The following SYT3 variants were observed in gnomAD, a reference collection of about 807,000 sequenced individuals.
SYT3 encodes the protein synaptotagmin-3.
SYT3 carries 25 observed loss-of-function variants against 50.6 expected under a neutral mutation model. The observed-to-expected ratio is 0.49, with a 90% CI of 0.36 to 0.69. The LOEUF (loss-of-function observed/expected upper bound fraction) is 0.69, where lower values mean the gene tolerates loss of function less well. SYT3 is among the 30% of genes least tolerant of loss of function. The pLI is 0.00. For synonymous variants in SYT3, 323 were observed against 353.9 expected (o/e 0.91, Z 0.98); for missense variants, 589 against 793.6 (o/e 0.74, Z 3.10).
chr19:50,646,147 T>C, the SYT3 span, among the ~76,000 whole-genome samples: 2 of 152,142 alleles, frequency 1.3e-5, no homozygotes. Context: ...TACCTCCTTT[T>C]GGGTGCCTCC....
intron 3 of SYT3, among the ~76,000 whole-genome samples, chr19:50,633,939 A>G (rs554093234): frequency 3.3e-5 from 5 of 152,322 alleles, no homozygotes; most frequent in African/African-American, 1.2e-4. Context: ...CTATGATGCT[A>G]TCACACCTCA....
In SYT3 at chr19:50,639,295, C is replaced by T. The variant is rs796749784; in HGVS notation, c.-153-133G>A. On this transcript the variant is annotated intron_variant, in intron 1 of 10. Transcript: ENST00000600079. This position sits in a 1 kb window ranked among gnomAD's most constrained non-coding sequence, Gnocchi z 4.6. ...CCGGGCCCCCAGCTCCCGTTGAGGG[C>T]TTAGAGACTACAATTCCCGGCAGGT... 3.5e-4 allele frequency: 53 copies of T among 152,326 alleles called. No individual in the cohort carries two copies. The highest frequency in any genetic ancestry group is 1.2e-3 in the African/African-American group (50 of 41,580). The allele number at this position is 152,326 out of a possible 1,614,324, so 9.4% of individuals were successfully genotyped here.
Position 50,637,697 on chromosome 19 carries a change from G to T in SYT3, c.-15-271C>A, listed in dbSNP as rs1984542409. On this transcript the variant is annotated intron_variant, in intron 2 of 10. Coordinates refer to ENST00000600079, the MANE Select transcript of SYT3 (RefSeq NM_001160329.2). The surrounding 1 kb of genome is among the most constrained non-coding windows in gnomAD (Gnocchi z 4.9). ...GGAGATAGTAGCAGGGACTGGGTAA[G>T]TCAAGGGGACAGAGATGGGCATGAG... is the stretch of plus-strand genomic sequence containing the variant. The T allele has an allele frequency of 2.8e-6, 1 of 354,746 alleles. No homozygotes were observed. The allele number at this position is 354,746 out of a possible 1,614,324, so 22.0% of individuals were successfully genotyped here.
At chr19:50,655,360 T>C in the SYT3 span, among the ~76,000 whole-genome samples, 2 of 152,074 alleles carry the variant, frequency 1.3e-5, no homozygotes, top group Non-Finnish European at 2.9e-5. Flanking sequence ...TTGGAAAAAC[T>C]GAAAACTGGG....
At chr19:50,643,111 C>T (rs1026063332), upstream of SYT3, among the ~76,000 whole-genome samples, 1 of 152,106 alleles carries the variant, frequency 6.6e-6, no homozygotes, top group Non-Finnish European at 1.5e-5. Context: ...TGGCTCACAC[C>T]TGTAATCCCA....
In SYT3 at chr19:50,629,300, G is replaced by A. The variant is rs758410981; in HGVS notation, c.1275C>T (p.Gly425=). 6.2e-6 allele frequency: 10 copies of A among 1,600,328 alleles called. No individual in the cohort carries two copies. The South Asian group carries it at 6.7e-5, about 11-fold the overall frequency. ...AGGGGAGAGGGCCACTGACCGAGCC[G>A]CCCTCCACGATGTCCCTCCAGAGCG... ...DRPLWRDIVE[G]GSEKADLGEL... Residue 425 remains glycine, a synonymous_variant, in exon 6 of 11, where the codon GGC becomes GGT. Transcript: ENST00000600079.
chr19:50,643,374 A>G (rs941869722), upstream of SYT3, among the ~76,000 whole-genome samples: 4 of 151,278 alleles, frequency 2.6e-5, no homozygotes, highest in African/African-American at 9.7e-5. Context: ...CCCCGGATGG[A>G]TGTGCGTTTA....
At position 50,625,660 on chromosome 19, in the gene SYT3, A is replaced by G; in HGVS notation, c.1403-96T>C. On this transcript the variant is annotated intron_variant, in intron 7 of 10. Transcript: ENST00000600079. The surrounding 1 kb of genome is among the most constrained non-coding windows in gnomAD (Gnocchi z 7.5). ...CGAGCCCCTCCTCCCTCAGACCCAG[A>G]GGTCCGGGGCCCCAGGCCCCCAGTC... 4.8e-6 allele frequency: 7 copies of G among 1,448,442 alleles called. No homozygotes were observed. The highest frequency in any genetic ancestry group is 6.4e-6 in the Non-Finnish European group (7 of 1,094,404). 89.7% of individuals were successfully genotyped at this position (1,448,442 alleles called of 1,614,324 possible).
intron 6 of SYT3, among the ~76,000 whole-genome samples, chr19:50,628,825 C>CT (rs11418879): frequency 0.4 from 54,326 of 136,142 alleles, 11,500 homozygotes; most frequent in Middle Eastern, 0.56. Context: ...ATTATCTGTT[C>CT]TTTTTTTTTT....
Position 50,632,445 on chromosome 19 carries a change from G to A in SYT3, c.515C>T (p.Ala172Val), listed in dbSNP as rs778815816. The change falls in exon 4 of 11, where the codon GCA (alanine) becomes GTA (valine). Residue 172 changes from alanine (A) to valine (V), a missense_variant. By Grantham distance (64) the Ala-to-Val change is moderately conservative (BLOSUM62 0). Around this residue, in one of 2 missense-constraint regions of SYT3, gnomAD observed 316 missense variants for 354.3 expected, o/e 0.89. Coordinates refer to ENST00000600079, the MANE Select transcript of SYT3 (RefSeq NM_001160329.2). This position sits in a 1 kb window ranked among gnomAD's most constrained non-coding sequence, Gnocchi z 4.7. ...TTTGACCCCAGCGGCCACTGCTGCT[G>A]CTGCAGCCTCTGGATACGAGTCCAT... is the stretch of plus-strand genomic sequence containing the variant. Reference protein sequence around the residue: ...LDMDSYPEAAAAAVAAGVKPS... With the variant: ...LDMDSYPEAAVAAVAAGVKPS... 6.2e-7 allele frequency: 1 copy of A among 1,613,372 alleles called. No individual in the cohort carries two copies. The highest frequency in any genetic ancestry group is 8.5e-7 in the Non-Finnish European group (1 of 1,179,876).
In SYT3 at chr19:50,637,680, T is replaced by A; in HGVS notation, c.-15-254A>T. On this transcript the variant is annotated intron_variant, in intron 2 of 10. Transcript: ENST00000600079. The surrounding 1 kb of genome is among the most constrained non-coding windows in gnomAD (Gnocchi z 4.9). ...GGGCAGAAATTAGGGATGGAGATAG[T>A]AGCAGGGACTGGGTAAGTCAAGGGG... 2.6e-6 allele frequency: 1 copy of A among 386,286 alleles called. No individual in the cohort carries two copies. The highest frequency in any genetic ancestry group is 4.4e-5 in the East Asian group (1 of 22,900). The allele number at this position is 386,286 out of a possible 1,614,324, so 23.9% of individuals were successfully genotyped here. A position where few individuals can be genotyped will look rare whatever the true frequency, so the allele number is the denominator to read the frequency against.
upstream of SYT3, among the ~76,000 whole-genome samples, chr19:50,644,719 G>T (rs189925550): frequency 6.6e-6 from 1 of 151,990 alleles, no homozygotes; most frequent in East Asian, 1.9e-4. Flanking sequence ...GATGGATGCT[G>T]CAGAAATAAA....
At chr19:50,623,273 G>A (rs1374207106) in intron 9 of SYT3, among the ~76,000 whole-genome samples, 6 of 152,070 alleles carry the variant, frequency 3.9e-5, no homozygotes, top group Non-Finnish European at 1.5e-5. Context: ...ATGACAGGAG[G>A]AGGGAGTAGC....
the SYT3 span, chr19:50,649,819 C>G: frequency 3.9e-6 from 2 of 515,316 alleles, no homozygotes; most frequent in Non-Finnish European, 7.5e-6. Context: ...GTCTTGTCTC[C>G]CACCCTGAGC....
chr19:50,638,730 C>G (rs1984573814), intron 2 of SYT3, among the ~76,000 whole-genome samples: 5 of 151,918 alleles, frequency 3.3e-5, no homozygotes, highest in Admixed American at 3.3e-4. Context: ...TGGGCAAGGA[C>G]AGCAGATGAT....
chr19:50,640,781 T>C (rs1464776149), upstream of SYT3, among the ~76,000 whole-genome samples: 2 of 152,212 alleles, frequency 1.3e-5, no homozygotes, highest in Admixed American at 1.3e-4. Context: ...CAAATTTGTG[T>C]TGTGCCGCAT....
In SYT3 at chr19:50,625,764, TCCC is replaced by T; in HGVS notation, c.1402+130_1402+132del. 4 of 764,124 alleles carry T rather than the reference TCCC, an allele frequency of 5.2e-6. No homozygotes were observed. The highest frequency in any genetic ancestry group is 3.2e-5 in the Admixed American group (1 of 31,678). The allele number at this position is 764,124 out of a possible 1,614,324, so 47.3% of individuals were successfully genotyped here. A position where few individuals can be genotyped will look rare whatever the true frequency, so the allele number is the denominator to read the frequency against. ...AGGAGTCCAGGCCCCTGGCCCCTCC[TCCC>T]TCAGACCCAGGAGTCCAGATCCCCA... On this transcript the variant is annotated intron_variant, in intron 7 of 10. Transcript: ENST00000600079. The surrounding 1 kb of genome is among the most constrained non-coding windows in gnomAD (Gnocchi z 7.5).
At position 50,625,539 on chromosome 19, in the gene SYT3, G is replaced by A. The variant is rs1254945848; in HGVS notation, c.1428C>T (p.Ile476=). The change falls in exon 8 of 11, where the codon ATC becomes ATT. Residue 476 remains isoleucine, a synonymous_variant. Coordinates refer to ENST00000600079, the MANE Select transcript of SYT3 (RefSeq NM_001160329.2). The surrounding 1 kb of genome is among the most constrained non-coding windows in gnomAD (Gnocchi z 7.5). ...FSDPYVKASL[I]SEGRRLKKRK... ...GCTTCTTCAGACGCCGCCCCTCGCTGATCAGGGAGGCCTTCACGTAGGGGT... is the reference window on the plus strand; with the variant it reads ...GCTTCTTCAGACGCCGCCCCTCGCTAATCAGGGAGGCCTTCACGTAGGGGT... 1 of 1,600,646 alleles carries A rather than the reference G, an allele frequency of 6.2e-7. No individual in the cohort carries two copies. Among genetic ancestry groups the A allele is most frequent in the Admixed American group, 1.7e-5 (1 of 57,740 alleles).
upstream of SYT3, among the ~76,000 whole-genome samples, chr19:50,641,971 C>A (rs149611418): frequency 6.6e-5 from 10 of 152,292 alleles, no homozygotes; most frequent in East Asian, 1.9e-3. Context: ...ACTTTAAGCA[C>A]GCATCCTGGG....
Sources: allele counts gnomAD v4.1 joint callset (sites outside exome capture counted in the v4.1 genomes callset), GRCh38; gene constraint gnomAD v4.1.1; regional missense constraint gnomAD v4.1.1; non-coding constraint Gnocchi (gnomAD v3.1); transcripts MANE v1.5; gene names NCBI Gene and HGNC (gene_info 2026-07-23, HGNC 2026-07-21).